The following ANAPC1 variants were observed in gnomAD, a reference collection of about 807,000 sequenced individuals.
ANAPC1 encodes anaphase-promoting complex subunit 1.
In ANAPC1, 36 loss-of-function variants were observed where a neutral mutation model predicts 208.0. The ratio of observed to expected loss-of-function variants is 0.17; its 90% CI spans 0.13 to 0.23. ANAPC1 has a LOEUF of 0.23. Among genes scored for constraint, ANAPC1 ranks in the 10% least tolerant of loss-of-function variants. The probability of loss-of-function intolerance (pLI) is 1.00; values close to 1 mark genes in which losing one functional copy is unlikely to be tolerated. For missense variants in ANAPC1, 942 were observed against 2,011.6 expected, an observed-to-expected ratio of 0.47 and a Z score of 10.17; for synonymous variants, 378 against 695.2, an observed-to-expected ratio of 0.54 and a Z score of 7.18.
At position 111,828,150 on chromosome 2, in the gene ANAPC1, C is replaced by A. The variant is rs116017965; in HGVS notation, c.2626-2295G>T. ...CATAGATCTTTCTTCAAAGAAGATA[C>A]GTAAATGGCCAATAAACACAAGAAA... is the stretch of plus-strand genomic sequence containing the variant. On this transcript the variant is annotated intron_variant, in intron 21 of 47. Transcript: ENST00000341068. Among the ~76,000 whole-genome samples, 780 of 152,040 alleles carry A rather than the reference C, an allele frequency of 5.1e-3. 4 individuals carry two copies. Among genetic ancestry groups the A allele is most frequent in the African/African-American group, 0.018 (726 of 41,474 alleles).
intron 40 of ANAPC1, 122 bp downstream of exon 40, chr2:111,785,238 A>G (rs1184617476): frequency 1.8e-6 from 1 of 551,510 alleles, no homozygotes; most frequent in East Asian, 3.3e-5. Flanking sequence ...GGAAGCTTCC[A>G]TTTTTATGAA....
chr2:111,831,998 G>T (rs1238481636), intron 20 of ANAPC1, among the ~76,000 whole-genome samples: 1 of 146,396 alleles, frequency 6.8e-6, no homozygotes, highest in Non-Finnish European at 1.5e-5. Flanking sequence ...GGCATACAAA[G>T]AATCTAACCA....
chr2:111,783,735 C>A lies in ANAPC1; in HGVS notation c.5063+162G>T, dbSNP rs552955665. Among the ~76,000 whole-genome samples the A allele has an allele frequency of 2.6e-5, 4 of 152,374 alleles. No individual in the cohort carries two copies. In the South Asian group the frequency reaches 8.3e-4, roughly 32 times the overall value. On this transcript the variant is annotated intron_variant, in intron 42 of 47. Coordinates refer to ENST00000341068, the MANE Select transcript of ANAPC1 (RefSeq NM_022662.4). ...TCATTTTCTAACACAAGTCCTGTTT[C>A]AAAGATACAGACTGTTTTACAGAAG...
chr2:111,771,093 G>C (rs1276331343), intron 47 of ANAPC1: 3 of 150,488 alleles, frequency 2.0e-5, no homozygotes, highest in Non-Finnish European at 4.5e-5. Flanking sequence ...AGTCTGCTTG[G>C]AGTGAAACTG....
At chr2:111,788,928 G>A (rs1309341894) in intron 38 of ANAPC1, among the ~76,000 whole-genome samples, 1 of 152,042 alleles carries the variant, frequency 6.6e-6, no homozygotes, top group Non-Finnish European at 1.5e-5. Flanking sequence ...CACGAGGTCA[G>A]GAGATCGAGA....
chr2:111,859,095 A>G (rs1204800657), intron 10 of ANAPC1, among the ~76,000 whole-genome samples: 1 of 152,174 alleles, frequency 6.6e-6, no homozygotes, highest in Non-Finnish European at 1.5e-5. Flanking sequence ...TCATAATGCT[A>G]TTTCTCCTAT....
At chr2:111,794,166 G>C (rs537315412) in intron 36 of ANAPC1, 35 bp from the exon 37 acceptor site, 1 of 1,473,262 alleles carries the variant, frequency 6.8e-7, no homozygotes, top group South Asian at 1.3e-5. Context: ...CAAGTTATAA[G>C]AAGCATCTTA....
chr2:111,778,840 A>G, intron 44 of ANAPC1, 70 bp from the exon 45 acceptor site: 1 of 1,595,966 alleles, frequency 6.3e-7, no homozygotes, highest in Non-Finnish European at 8.6e-7. Flanking sequence ...ATTGTATAGC[A>G]CTACTATGGC....
intron 3 of ANAPC1, among the ~76,000 whole-genome samples, chr2:111,874,703 T>C (rs573627529): frequency 6.6e-6 from 1 of 152,390 alleles, no homozygotes; most frequent in Non-Finnish European, 1.5e-5. Context: ...ACCTTTTGGC[T>C]ATCATAAATA....
chr2:111,774,063 C>T (rs1168331015), intron 46 of ANAPC1, among the ~76,000 whole-genome samples: 3 of 151,814 alleles, frequency 2.0e-5, no homozygotes, highest in Non-Finnish European at 1.5e-5. Flanking sequence ...TCATTCTGTT[C>T]TAGGTAGAAA....
chr2:111,844,838 T>A (rs1015113571), intron 16 of ANAPC1, among the ~76,000 whole-genome samples: 36 of 152,114 alleles, frequency 2.4e-4, no homozygotes, highest in African/African-American at 8.0e-4. Context: ...TACCACATAA[T>A]TTACACCATT....
chr2:111,827,163 T>C (rs2104447558), intron 21 of ANAPC1, among the ~76,000 whole-genome samples: 1 of 152,280 alleles, frequency 6.6e-6, no homozygotes. Flanking sequence ...AGGTATCGAA[T>C]AGTGCTCTCT....
intron 38 of ANAPC1, among the ~76,000 whole-genome samples, chr2:111,789,316 T>A (rs1269396900): frequency 6.6e-6 from 1 of 151,278 alleles, no homozygotes; most frequent in African/African-American, 2.4e-5. Context: ...AAATTTAGTA[T>A]AGCAAACAGG....
intron 28 of ANAPC1, among the ~76,000 whole-genome samples, chr2:111,815,142 C>CA (rs1250238257): frequency 1.8e-5 from 2 of 111,952 alleles, no homozygotes; most frequent in African/African-American, 7.7e-5. Context: ...CTGCCTTACT[C>CA]AAGGAAAAAA....
At chr2:111,795,441 CG>C (rs1678116772) in intron 34 of ANAPC1, among the ~76,000 whole-genome samples, 1 of 146,564 alleles carries the variant, frequency 6.8e-6, no homozygotes, top group African/African-American at 2.5e-5. Flanking sequence ...AACAGGAAGA[CG>C]TAAGTATATT....
At chr2:111,791,971 T>C (rs1273838275) in intron 38 of ANAPC1, among the ~76,000 whole-genome samples, 1 of 151,126 alleles carries the variant, frequency 6.6e-6, no homozygotes, top group African/African-American at 2.4e-5. Flanking sequence ...TGGCACATGT[T>C]GGAAAAAGAT....
At chr2:111,857,127 G>C (rs1573475398) in intron 11 of ANAPC1, 1 of 448,048 alleles carries the variant, frequency 2.2e-6, no homozygotes. Flanking sequence ...TTTGTATCTT[G>C]ATTGTGGTGG....
At chr2:111,845,891 C>T (rs112600155) in intron 16 of ANAPC1, among the ~76,000 whole-genome samples, 7 of 146,614 alleles carry the variant, frequency 4.8e-5, no homozygotes, top group Non-Finnish European at 1.0e-4. Context: ...AGGAGAATGG[C>T]ATGAACCCGG....
chr2:111,847,949 T>C lies in ANAPC1; in HGVS notation c.1651-84A>G, dbSNP rs529329607. The C allele has an allele frequency of 2.1e-4, 252 of 1,198,346 alleles. 4 individuals are homozygous for C. In the South Asian group the frequency reaches 4.1e-3, roughly 19 times the overall value. The allele number at this position is 1,198,346 out of a possible 1,614,324, so 74.2% of individuals were successfully genotyped here. On this transcript the variant is annotated intron_variant, in intron 14 of 47. Transcript: ENST00000341068. Reference sequence around the variant, plus strand: ...GAAATTTAACTGTTTCTTTTTTGCATATGGTCTAACAAACAATAATATGTA... The same window carrying C: ...GAAATTTAACTGTTTCTTTTTTGCACATGGTCTAACAAACAATAATATGTA...
Sources: gnomAD v4.1 joint callset for allele counts (sites outside exome capture counted in the v4.1 genomes callset) on GRCh38, gnomAD v4.1.1 for gene constraint, MANE v1.5 for transcripts, NCBI Gene and HGNC (gene_info 2026-07-23, HGNC 2026-07-21) for gene names.